Variants in PDE3B observed in about 807,000 individuals in gnomAD.
PDE3B encodes the protein phosphodiesterase 3B, also known as cGMP-inhibited 3',5'-cyclic phosphodiesterase 3B.
A neutral mutation model predicts 116.8 loss-of-function variants in PDE3B; 66 were observed. The observed-to-expected ratio is 0.56, with a 90% confidence interval of 0.46 to 0.69. The LOEUF (loss-of-function observed/expected upper bound fraction) is 0.69, where lower values mean the gene tolerates loss of function less well. PDE3B is among the 30% of genes least tolerant of loss of function. The pLI, the probability that PDE3B is intolerant of heterozygous loss-of-function variation, is 0.00. For synonymous variants in PDE3B, 595 were observed against 533.6 expected (o/e 1.12, Z -1.59); for missense variants, 1,384 against 1,368.1 (o/e 1.01, Z -0.18).
chr11:14,780,591 G>C (rs1448553818), intron 2 of PDE3B, among the ~76,000 whole-genome samples: 1 of 152,094 alleles, frequency 6.6e-6, no homozygotes, highest in Admixed American at 6.6e-5. Flanking sequence ...AATGAAGGCA[G>C]AAATAAAGAT....
intron 1 of PDE3B, among the ~76,000 whole-genome samples, chr11:14,647,057 A>G (rs1032348784): frequency 6.6e-6 from 1 of 151,986 alleles, no homozygotes; most frequent in African/African-American, 2.4e-5. Context: ...AAGAATGTTT[A>G]TTTATGCTTG....
At chr11:14,685,209 A>G (rs1854835159) in intron 1 of PDE3B, among the ~76,000 whole-genome samples, 1 of 152,222 alleles carries the variant, frequency 6.6e-6, no homozygotes, top group African/African-American at 2.4e-5. Flanking sequence ...ATATGTCCAT[A>G]TTAAAATGAA....
At chr11:14,810,535 T>C (rs1348204332) in intron 5 of PDE3B, among the ~76,000 whole-genome samples, 2 of 152,074 alleles carry the variant, frequency 1.3e-5, no homozygotes, top group African/African-American at 4.8e-5. Flanking sequence ...CCATAGTGTA[T>C]ATGTGCCACA....
At position 14,690,055 on chromosome 11, in the gene PDE3B, G is replaced by A. The variant is rs191631371; in HGVS notation, c.978+45002G>A. Among the ~76,000 whole-genome samples the A allele has an allele frequency of 4.7e-3, 722 of 152,196 alleles. 12 individuals carry two copies. The highest frequency in any genetic ancestry group is 3.7e-3 in the Non-Finnish European group (254 of 67,998). ...TGTTCTGGTATAGGAAGGATATCAA[G>A]GAATACTGGTGTTACTCACTGTGTT... On this transcript the variant is annotated intron_variant, in intron 1 of 15. Coordinates refer to ENST00000282096, the MANE Select transcript of PDE3B (RefSeq NM_000922.4).
At chr11:14,773,194 C>CT (rs947683520) in intron 2 of PDE3B, 4 of 151,892 alleles carry the variant, frequency 2.6e-5, no homozygotes, top group Admixed American at 2.0e-4. Flanking sequence ...TTATCAGATG[C>CT]TTTTTCTGCA....
At chr11:14,800,784 C>G (rs996836968) in intron 4 of PDE3B, among the ~76,000 whole-genome samples, 4 of 152,184 alleles carry the variant, frequency 2.6e-5, no homozygotes, top group Non-Finnish European at 5.9e-5. Context: ...CTGTCACTTT[C>G]AGGTACACCA....
chr11:14,866,400 C>T (rs1270188308), intron 14 of PDE3B, among the ~76,000 whole-genome samples: 1 of 151,944 alleles, frequency 6.6e-6, no homozygotes, highest in Non-Finnish European at 1.5e-5. Flanking sequence ...CTAACCATGC[C>T]CAACTTTTTT....
chr11:14,843,150 A>G (rs771791104), intron 11 of PDE3B, among the ~76,000 whole-genome samples: 4 of 152,244 alleles, frequency 2.6e-5, no homozygotes, highest in Admixed American at 6.5e-5. Flanking sequence ...ATGGTAAGAT[A>G]TTAAGACACC....
intron 1 of PDE3B, among the ~76,000 whole-genome samples, chr11:14,684,621 A>G (rs1854813510): frequency 6.6e-6 from 1 of 152,174 alleles, no homozygotes; most frequent in Non-Finnish European, 1.5e-5. Context: ...TCCCCACCCT[A>G]GTAAGCCTGA....
intron 1 of PDE3B, among the ~76,000 whole-genome samples, chr11:14,740,759 A>G (rs546205330): frequency 3.3e-5 from 5 of 152,072 alleles, no homozygotes; most frequent in Non-Finnish European, 7.4e-5. Flanking sequence ...TTCCTCTCTA[A>G]ACACTGCTTT....
chr11:14,887,589 G>C, the PDE3B span: 1 of 984,746 alleles, frequency 1.0e-6, no homozygotes, highest in Non-Finnish European at 1.2e-6. Context: ...TTATAATGCT[G>C]GCAGAGATGT....
chr11:14,658,852 T>C (rs1266644073), intron 1 of PDE3B, among the ~76,000 whole-genome samples: 1 of 152,236 alleles, frequency 6.6e-6, no homozygotes, highest in African/African-American at 2.4e-5. Context: ...ACATTTTATG[T>C]CCTTTAAATT....
At chr11:14,803,902 T>A (rs1858843098) in intron 4 of PDE3B, 42 bp from the exon 5 acceptor site, 1 of 1,103,166 alleles carries the variant, frequency 9.1e-7, no homozygotes, top group Non-Finnish European at 1.4e-6. Context: ...GTGAAACTTT[T>A]CCTGTTTTTA....
At chr11:14,825,889 T>C (rs1333584481) in intron 7 of PDE3B, among the ~76,000 whole-genome samples, 1 of 151,832 alleles carries the variant, frequency 6.6e-6, no homozygotes, top group Non-Finnish European at 1.5e-5. Flanking sequence ...CCTCAGCAAA[T>C]GTAAAAGAAC....
intron 1 of PDE3B, among the ~76,000 whole-genome samples, chr11:14,658,081 A>G (rs1302330850): frequency 2.0e-5 from 3 of 152,092 alleles, no homozygotes; most frequent in African/African-American, 2.4e-5. Context: ...TTCTGCTTCC[A>G]TCTAGTGGGT....
At chr11:14,742,602 T>C (rs1367286539) in intron 1 of PDE3B, among the ~76,000 whole-genome samples, 2 of 152,328 alleles carry the variant, frequency 1.3e-5, no homozygotes, top group East Asian at 3.9e-4. Flanking sequence ...AAACTCATTC[T>C]CCGTCCAATT....
intron 1 of PDE3B, among the ~76,000 whole-genome samples, chr11:14,695,704 T>A (rs1393933367): frequency 1.3e-5 from 2 of 151,928 alleles, no homozygotes; most frequent in African/African-American, 4.8e-5. Context: ...CAAGTATTGT[T>A]CCCCTCCCTG....
At chr11:14,709,911 C>T (rs1419540759) in intron 1 of PDE3B, among the ~76,000 whole-genome samples, 1 of 151,942 alleles carries the variant, frequency 6.6e-6, no homozygotes, top group Non-Finnish European at 1.5e-5. Flanking sequence ...TTGTATTATT[C>T]CTATTCATGG....
At chr11:14,783,186 TG>T (rs1332556276) in intron 2 of PDE3B, among the ~76,000 whole-genome samples, 1 of 152,226 alleles carries the variant, frequency 6.6e-6, no homozygotes, top group Non-Finnish European at 1.5e-5. Flanking sequence ...TCAACCATTG[TG>T]GAAGACAGTA....
Sources: gnomAD v4.1 joint callset for allele counts (sites outside exome capture counted in the v4.1 genomes callset) on GRCh38, gnomAD v4.1.1 for gene constraint, MANE v1.5 for transcripts, NCBI Gene and HGNC (gene_info 2026-07-23, HGNC 2026-07-21) for gene names.